Variants in TRAPPC9 observed in about 807,000 individuals in gnomAD.
The protein encoded by TRAPPC9 is trafficking protein particle complex subunit 9.
A neutral mutation model predicts 124.0 loss-of-function variants in TRAPPC9; 83 were observed. That is an observed-to-expected ratio of 0.67 (90% confidence interval 0.56 to 0.80). The LOEUF (loss-of-function observed/expected upper bound fraction) is 0.80. Ranked by LOEUF, TRAPPC9 falls within the 30% of genes least tolerant of loss-of-function variation. The pLI is 0.00. For missense variants in TRAPPC9, 1,302 were observed against 1,508.3 expected (o/e 0.86, Z 2.27); for synonymous variants, 638 against 617.5 (o/e 1.03, Z -0.49).
chr8:139,988,962 C>T (rs1006739869), intron 18 of TRAPPC9, 126 bp from the exon 19 acceptor site: 3 of 714,402 alleles, frequency 4.2e-6, no homozygotes, highest in Non-Finnish European at 7.5e-6. Flanking sequence ...ATGCCAAGTG[C>T]TCCTGGGCTC....
At chr8:139,940,062 CTG>C (rs1263686691) in intron 19 of TRAPPC9, among the ~76,000 whole-genome samples, 1 of 152,222 alleles carries the variant, frequency 6.6e-6, no homozygotes, top group Non-Finnish European at 1.5e-5. Flanking sequence ...TACCTGCGAG[CTG>C]GACTGGGCCT....
At position 139,844,801 on chromosome 8, in the gene TRAPPC9, C is replaced by T. The variant is rs1826965101; in HGVS notation, c.3055+41078G>A. Among the ~76,000 whole-genome samples, 6 of 152,228 alleles carry T rather than the reference C, an allele frequency of 3.9e-5. 1 individual carries two copies. In the South Asian group the frequency reaches 1.2e-3, roughly 32 times the overall value. ...CCAGCTAAGCAAGGCCTTTCTCCTG[C>T]TTTCTCAGAAGGTCCAAGTTGCTTA... On this transcript the variant is annotated intron_variant, in intron 21 of 22. Coordinates refer to ENST00000438773, the MANE Select transcript of TRAPPC9 (RefSeq NM_001160372.4).
intron 19 of TRAPPC9, among the ~76,000 whole-genome samples, chr8:139,927,052 C>G (rs774790300): frequency 6.6e-6 from 1 of 152,066 alleles, no homozygotes; most frequent in African/African-American, 2.4e-5. Flanking sequence ...TCCATAAATA[C>G]TTGGGAAGAT....
Position 140,031,875 on chromosome 8 carries a change from C to A in TRAPPC9, c.2557-7796G>T, listed in dbSNP as rs146815579. On this transcript the variant is annotated intron_variant, in intron 17 of 22. Coordinates refer to ENST00000438773, the MANE Select transcript of TRAPPC9 (RefSeq NM_001160372.4). ...GCTGAGAAGAGTTAGGACACAAGGT[C>A]CAAAGGAGGGGGTATGTCTGGGGAC... 2.3e-3 allele frequency among the ~76,000 whole-genome samples: 346 copies of A among 152,246 alleles called. 2 individuals carry two copies. The highest frequency in any genetic ancestry group is 7.9e-3 in the African/African-American group (327 of 41,532).
At chr8:140,421,984 C>CAAAAA (rs35152459) in intron 5 of TRAPPC9, among the ~76,000 whole-genome samples, 126 of 43,596 alleles carry the variant, frequency 2.9e-3, no homozygotes, top group African/African-American at 4.0e-3. Flanking sequence ...TCCCTCATGA[C>CAAAAA]AAAAAAAAAA....
chr8:140,159,881 G>A (rs1264471542), intron 17 of TRAPPC9, among the ~76,000 whole-genome samples: 3 of 152,160 alleles, frequency 2.0e-5, no homozygotes, highest in South Asian at 2.1e-4. Flanking sequence ...AATAGTCTGC[G>A]GCCCCTGTTT....
intron 10 of TRAPPC9, among the ~76,000 whole-genome samples, chr8:140,304,928 GC>G (rs11287526): frequency 0.32 from 48,781 of 152,004 alleles, 8,621 homozygotes; most frequent in East Asian, 0.65. Context: ...CCGGTCCCAT[GC>G]CCTCAGTGTG....
Position 139,806,975 on chromosome 8 carries a change from G to C in TRAPPC9, c.3056-74773C>G, listed in dbSNP as rs138868834. Among the ~76,000 whole-genome samples the C allele has an allele frequency of 2.6e-5, 4 of 152,240 alleles. No individual in the cohort carries two copies. The East Asian group carries it at 7.7e-4, about 29-fold the overall frequency. On this transcript the variant is annotated intron_variant, in intron 21 of 22. Transcript: ENST00000438773. ...TCGGCCACAGGCCAGGAAGGCCCGA[G>C]CACTTAGCGGCCTCCGGAGAGCCAC...
chr8:140,452,292 C>G (rs1326023226), intron 1 of TRAPPC9, among the ~76,000 whole-genome samples: 4 of 150,340 alleles, frequency 2.7e-5, no homozygotes, highest in African/African-American at 7.4e-5. Context: ...TGGTGGCAGG[C>G]ACCTGTAGTC....
intron 17 of TRAPPC9, among the ~76,000 whole-genome samples, chr8:140,208,104 C>T (rs76004528): frequency 0.29 from 44,395 of 150,956 alleles, 6,998 homozygotes; most frequent in East Asian, 0.58. Flanking sequence ...GTGCCGAGAT[C>T]GCACCGTTGC....
chr8:140,275,573 CT>C, intron 15 of TRAPPC9, 84 bp downstream of exon 15: 1 of 1,466,514 alleles, frequency 6.8e-7, no homozygotes, highest in Non-Finnish European at 9.5e-7. Flanking sequence ...TTTTTAGATT[CT>C]CTGAAAACTG....
At chr8:139,993,638 C>T (rs1006861788) in intron 18 of TRAPPC9, among the ~76,000 whole-genome samples, 9 of 152,192 alleles carry the variant, frequency 5.9e-5, no homozygotes, top group African/African-American at 2.2e-4. Context: ...ACTAAGTGCA[C>T]ATCAACTGGA....
In TRAPPC9 at chr8:140,179,993, A is replaced by ATTT. The variant is rs71520259; in HGVS notation, c.2556+41463_2556+41465dup. 5.3e-3 allele frequency among the ~76,000 whole-genome samples: 474 copies of ATTT among 89,994 alleles called. 19 individuals are homozygous for ATTT. The highest frequency in any genetic ancestry group is 9.5e-3 in the African/African-American group (231 of 24,388). 59.0% of individuals were successfully genotyped at this position (89,994 alleles called of 152,430 possible). On this transcript the variant is annotated intron_variant, in intron 17 of 22. Transcript: ENST00000438773. ...ATAAACAATTTATAGTTATATCTTG[A>ATTT]TTTTTTTTTTTTTTTTTTTTTGGCC...
At chr8:139,930,158 G>A (rs904341279) in intron 19 of TRAPPC9, among the ~76,000 whole-genome samples, 5 of 152,236 alleles carry the variant, frequency 3.3e-5, no homozygotes, top group Non-Finnish European at 5.9e-5. Context: ...TGCCTAAGAG[G>A]TGACAGCCAA....
At chr8:140,318,363 A>AT (rs1358041165) in intron 9 of TRAPPC9, among the ~76,000 whole-genome samples, 1 of 152,246 alleles carries the variant, frequency 6.6e-6, no homozygotes, top group Non-Finnish European at 1.5e-5. Context: ...AATATTTAAC[A>AT]TTTTTTGTGA....
At chr8:140,287,555 G>A (rs1175974393) in intron 13 of TRAPPC9, 53 bp downstream of exon 13, 10 of 1,611,810 alleles carry the variant, frequency 6.2e-6, no homozygotes, top group African/African-American at 2.7e-5. Flanking sequence ...TGGAGGCCAT[G>A]CAAGGGTTCA....
chr8:140,200,408 T>C (rs2062760480), intron 17 of TRAPPC9, among the ~76,000 whole-genome samples: 1 of 152,078 alleles, frequency 6.6e-6, no homozygotes, highest in Admixed American at 6.5e-5. Flanking sequence ...TGAGCTCCAC[T>C]TAGTGATTTG....
chr8:140,003,864 A>G (rs188630418), intron 18 of TRAPPC9, among the ~76,000 whole-genome samples: 4 of 152,330 alleles, frequency 2.6e-5, no homozygotes, highest in African/African-American at 9.6e-5. Context: ...TAGAGAATTG[A>G]AAACTTAAAT....
chr8:140,209,337 G>A lies in TRAPPC9; in HGVS notation c.2556+12122C>T, dbSNP rs2063002083. 3.9e-5 allele frequency among the ~76,000 whole-genome samples: 6 copies of A among 152,166 alleles called. No individual in the cohort carries two copies. The South Asian group carries it at 1.2e-3, about 32-fold the overall frequency. Reference sequence around the variant, plus strand: ...GGCATGCTCTAGGTGCTCACTGGATGTTTGCTGAAGGAATGGATTACATGA... The same window carrying A: ...GGCATGCTCTAGGTGCTCACTGGATATTTGCTGAAGGAATGGATTACATGA... On this transcript the variant is annotated intron_variant, in intron 17 of 22. Coordinates refer to ENST00000438773, the MANE Select transcript of TRAPPC9 (RefSeq NM_001160372.4).
Sources: gnomAD v4.1 joint callset for allele counts (sites outside exome capture counted in the v4.1 genomes callset) on GRCh38, gnomAD v4.1.1 for gene constraint, MANE v1.5 for transcripts, NCBI Gene and HGNC (gene_info 2026-07-23, HGNC 2026-07-21) for gene names.